Variants in TNRC6B observed in about 807,000 individuals in gnomAD.
The protein encoded by TNRC6B is trinucleotide repeat-containing gene 6B protein.
TNRC6B carries 52 observed loss-of-function variants against 203.6 expected under a neutral mutation model. The ratio of observed to expected loss-of-function variants is 0.26; its 90% CI spans 0.20 to 0.32. TNRC6B has a LOEUF of 0.32. Ranked by LOEUF, TNRC6B falls within the 10% of genes least tolerant of loss-of-function variation. The pLI, the probability that TNRC6B is intolerant of heterozygous loss-of-function variation, is 1.00. For missense variants in TNRC6B, 1,923 were observed against 2,286.2 expected (o/e 0.84, Z 3.24); for synonymous variants, 838 against 845.7 (o/e 0.99, Z 0.16).
At chr22:40,129,209 C>T (rs571516734) in intron 3 of TNRC6B, among the ~76,000 whole-genome samples, 1 of 152,272 alleles carries the variant, frequency 6.6e-6, no homozygotes, top group South Asian at 2.1e-4. Context: ...GAGAGAGAGA[C>T]AGAGACCTTG....
intron 1 of TNRC6B, among the ~76,000 whole-genome samples, chr22:40,243,862 GGT>G (rs779157981): frequency 1.3e-5 from 2 of 152,152 alleles, no homozygotes; most frequent in Non-Finnish European, 2.9e-5. Flanking sequence ...TGGGATTACA[GGT>G]GTGAGTCACT....
chr22:40,234,491 G>C (rs571419458), intron 1 of TNRC6B, among the ~76,000 whole-genome samples: 3 of 152,302 alleles, frequency 2.0e-5, no homozygotes, highest in Admixed American at 2.0e-4. Context: ...ATGGAAAATT[G>C]TAGGCCCTGT....
At position 40,154,402 on chromosome 22, in the gene TNRC6B, T is replaced by G. The variant is rs1008888272; in HGVS notation, c.46-1713T>G. ...TCATTTGAACCTGGGAGGTGGAGGT[T>G]GCAGTGAGCCAAGATCACGTCATTG... On this transcript the variant is annotated intron_variant, in intron 3 of 23. Transcript: ENST00000301923. 4.6e-5 allele frequency among the ~76,000 whole-genome samples: 7 copies of G among 151,462 alleles called. No homozygotes were observed. In the South Asian group the frequency reaches 8.3e-4, roughly 18 times the overall value.
chr22:40,183,755 C>T (rs536724562), intron 1 of TNRC6B, among the ~76,000 whole-genome samples: 22 of 151,698 alleles, frequency 1.5e-4, no homozygotes, highest in Non-Finnish European at 3.2e-4. Flanking sequence ...AGTGCAGTGG[C>T]GTGATCTTTG....
At position 40,322,920 on chromosome 22, in the gene TNRC6B, G is replaced by T. The variant is rs1287293075; in HGVS notation, c.5181G>T (p.Leu1727=). The T allele has an allele frequency of 6.2e-7, 1 of 1,613,796 alleles. No homozygotes were observed. The highest frequency in any genetic ancestry group is 1.7e-5 in the Admixed American group (1 of 59,988). The stretch of plus-strand genomic sequence containing the variant: ...CTGATGATGAAGTCAGCCGCTTTCT[G>T]GCACAAGCTCAGCCCCCTACACCTG... ...FATDDEVSRF[L]AQAQPPTPAA... is the part of the protein sequence containing the mutation. Residue 1727 remains leucine (L), a synonymous_variant, in exon 23 of 23, where the codon CTG becomes CTT. Coordinates refer to ENST00000454349, the MANE Select transcript of TNRC6B (RefSeq NM_001162501.2).
At chr22:40,275,395 CTCTT>C (rs1232547310) in intron 7 of TNRC6B, among the ~76,000 whole-genome samples, 2 of 152,272 alleles carry the variant, frequency 1.3e-5, no homozygotes, top group African/African-American at 4.8e-5. Context: ...TGGGAATTGA[CTCTT>C]TCAGCCCCAG....
At chr22:40,098,561 C>T (rs191101730) in intron 1 of TNRC6B, among the ~76,000 whole-genome samples, 28 of 152,094 alleles carry the variant, frequency 1.8e-4, no homozygotes, top group Admixed American at 1.7e-3. Flanking sequence ...CAAAATTGTT[C>T]TAAGTCATAG....
chr22:40,307,096 G>A (rs1366674927), intron 15 of TNRC6B, among the ~76,000 whole-genome samples: 1 of 133,616 alleles, frequency 7.5e-6, no homozygotes, highest in East Asian at 2.2e-4. Context: ...CGGTTACAGA[G>A]TGTGAAAGAA....
At chr22:40,221,993 G>T (rs1423166376) in intron 1 of TNRC6B, among the ~76,000 whole-genome samples, 1 of 152,060 alleles carries the variant, frequency 6.6e-6, no homozygotes, top group Non-Finnish European at 1.5e-5. Flanking sequence ...ACTTTAAAAT[G>T]TACCAGAAGG....
intron 1 of TNRC6B, among the ~76,000 whole-genome samples, chr22:40,188,124 G>A (rs112322436): frequency 0.014 from 2,166 of 152,216 alleles, 41 homozygotes; most frequent in African/African-American, 0.05. Flanking sequence ...TAAGAGAATC[G>A]CTTGAACCTG....
chr22:40,162,285 G>A (rs1228614621), intron 4 of TNRC6B, among the ~76,000 whole-genome samples: 4 of 152,146 alleles, frequency 2.6e-5, no homozygotes, highest in South Asian at 2.1e-4. Context: ...TAGTAGAGAC[G>A]GGGTTTCACC....
rs545846718 is a variant in TNRC6B at position 40,334,079 on chromosome 22, A to T, written c.*10838A>T. On this transcript the variant is annotated 3_prime_UTR_variant, in exon 23 of 23. Transcript: ENST00000454349. ...CCTTGGAATTTTATTTATTTTGTTT[A>T]TCTGGAGGCCCTTTTTCTATCAGTC... is the stretch of plus-strand genomic sequence containing the variant. The T allele has an allele frequency of 6.6e-6, 1 of 152,660 alleles. No homozygotes were observed. The highest frequency in any genetic ancestry group is 1.9e-4 in the East Asian group (1 of 5,164). 9.5% of individuals were successfully genotyped at this position (152,660 alleles called of 1,614,324 possible). A position where few individuals can be genotyped will look rare whatever the true frequency, so the allele number is the denominator to read the frequency against.
At chr22:40,105,490 A>G (rs1425486617) in intron 1 of TNRC6B, among the ~76,000 whole-genome samples, 1 of 151,752 alleles carries the variant, frequency 6.6e-6, no homozygotes, top group Non-Finnish European at 1.5e-5. Flanking sequence ...TTTCCTTTCT[A>G]TTTTTACTGT....
At chr22:40,268,916 A>AAAAAAAAAAT (rs1417470920) in intron 5 of TNRC6B, among the ~76,000 whole-genome samples, 2 of 148,710 alleles carry the variant, frequency 1.3e-5, no homozygotes, top group African/African-American at 4.9e-5. Context: ...CCGTCTCAAA[A>AAAAAAAAAAT]AATAATAATA....
chr22:40,173,798 T>TATATATATATAAAA, upstream of TNRC6B, among the ~76,000 whole-genome samples: 1 of 61,114 alleles, frequency 1.6e-5, no homozygotes, highest in Non-Finnish European at 2.9e-5. Context: ...TATATATTTT[T>TATATATATATAAAA]TTTTTTTTTT....
intron 1 of TNRC6B, among the ~76,000 whole-genome samples, chr22:40,202,867 A>G (rs1453736734): frequency 1.3e-5 from 2 of 152,072 alleles, no homozygotes; most frequent in African/African-American, 4.8e-5. Context: ...GCTTGTCAGC[A>G]TTGCTTCCAT....
chr22:40,060,901 A>G lies in TNRC6B; in HGVS notation c.-121+15903A>G, dbSNP rs116221284. On this transcript the variant is annotated intron_variant, in intron 1 of 23. Transcript: ENST00000301923. ...TGAACCAAAATTTCAGGCTCCCAGT[A>G]GGAAAACAGGTGTTCTGCATGAACC... Among the ~76,000 whole-genome samples the G allele has an allele frequency of 2.7e-3, 407 of 152,316 alleles. 1 individual carries two copies. The highest frequency in any genetic ancestry group is 9.5e-3 in the African/African-American group (396 of 41,576).
At chr22:40,102,216 C>T (rs780976845) in intron 1 of TNRC6B, among the ~76,000 whole-genome samples, 3 of 152,018 alleles carry the variant, frequency 2.0e-5, no homozygotes, top group Non-Finnish European at 2.9e-5. Context: ...TGGACAAAAA[C>T]AAGGAGGGAG....
At chr22:40,083,514 A>G (rs2068077533) in intron 1 of TNRC6B, among the ~76,000 whole-genome samples, 1 of 152,222 alleles carries the variant, frequency 6.6e-6, no homozygotes, top group South Asian at 2.1e-4. Flanking sequence ...TGAAGGGAGC[A>G]GAAAAATGGA....
Sources: gnomAD v4.1 joint callset for allele counts (sites outside exome capture counted in the v4.1 genomes callset) on GRCh38, gnomAD v4.1.1 for gene constraint, MANE v1.5 for transcripts, NCBI Gene and HGNC (gene_info 2026-07-23, HGNC 2026-07-21) for gene names.